RASGEF1C: variants seen among roughly 807,000 people sequenced by gnomAD.
The protein encoded by RASGEF1C is RasGEF domain family member 1C, also known as ras-GEF domain-containing family member 1C.
RASGEF1C carries 27 observed loss-of-function variants against 58.1 expected under a neutral mutation model. The ratio of observed to expected loss-of-function variants is 0.46; its 90% confidence interval spans 0.34 to 0.64. The LOEUF (loss-of-function observed/expected upper bound fraction) is 0.64. RASGEF1C is among the 30% of genes least tolerant of loss of function. RASGEF1C has a pLI of 0.01. For missense variants in RASGEF1C, 502 were observed against 605.1 expected (o/e 0.83, Z 1.79); for synonymous variants, 243 against 246.3 (o/e 0.99, Z 0.13).
chr5:180,109,321 G>A (rs555485758), intron 12 of RASGEF1C, among the ~76,000 whole-genome samples: 42 of 152,250 alleles, frequency 2.8e-4, no homozygotes, highest in African/African-American at 8.2e-4. Flanking sequence ...AGCCGGGCGT[G>A]GTGGTGGGTG....
chr5:180,187,813 G>A (rs911799794), intron 1 of RASGEF1C, among the ~76,000 whole-genome samples: 8 of 152,254 alleles, frequency 5.3e-5, no homozygotes, highest in Middle Eastern at 3.4e-3. Context: ...CTTTACACCC[G>A]CTAGGATGGC....
intron 1 of RASGEF1C, among the ~76,000 whole-genome samples, chr5:180,195,254 G>A (rs1365361079): frequency 6.6e-6 from 1 of 152,152 alleles, no homozygotes; most frequent in Non-Finnish European, 1.5e-5. Flanking sequence ...ATGAGCTCAG[G>A]GACACCTTGA....
intron 1 of RASGEF1C, among the ~76,000 whole-genome samples, chr5:180,169,769 G>A (rs1767074771): frequency 1.3e-5 from 2 of 151,726 alleles, no homozygotes; most frequent in South Asian, 4.2e-4. Flanking sequence ...AGCCCCATGC[G>A]CACCCCCCAG....
At chr5:180,179,903 T>A (rs1024850262) in intron 1 of RASGEF1C, among the ~76,000 whole-genome samples, 1 of 152,222 alleles carries the variant, frequency 6.6e-6, no homozygotes, top group African/African-American at 2.4e-5. Flanking sequence ...CTTTACCCTC[T>A]CTACATTCCT....
intron 1 of RASGEF1C, among the ~76,000 whole-genome samples, chr5:180,190,524 T>A (rs1179682642): frequency 7.8e-6 from 1 of 128,268 alleles, no homozygotes. Flanking sequence ...ATAATAATAA[T>A]AATAATTAGC....
At chr5:180,174,587 C>CGTGT (rs10533092) in intron 1 of RASGEF1C, among the ~76,000 whole-genome samples, 2 of 147,360 alleles carry the variant, frequency 1.4e-5, no homozygotes, top group Admixed American at 6.8e-5. Context: ...TGTGTGCGCA[C>CGTGT]GTGTGTGTGT....
In RASGEF1C at chr5:180,171,186, G is replaced by A. The variant is rs900183966; in HGVS notation, c.-6-33128C>T. 6.6e-5 allele frequency among the ~76,000 whole-genome samples: 10 copies of A among 152,244 alleles called. No individual in the cohort carries two copies. The East Asian group carries it at 1.9e-3, about 30-fold the overall frequency. ...GGGGAAGGAGCCAGGGGAGCACAGG[G>A]AGGAAAACCATTCTCAGGAGCTTAG... is the stretch of plus-strand genomic sequence containing the variant. On this transcript the variant is annotated intron_variant, in intron 1 of 13. Transcript: ENST00000361132.
chr5:180,140,744 C>T lies in RASGEF1C; in HGVS notation c.-6-2686G>A, dbSNP rs371787473. The stretch of plus-strand genomic sequence containing the variant: ...CTCCTCCTCCCTCCAGCAGGAGCTC[C>T]AGCCTGCCTGGAATGGGCTGGGTGA... On this transcript the variant is annotated intron_variant, in intron 1 of 13. Transcript: ENST00000361132. Among the ~76,000 whole-genome samples, 408 of 152,338 alleles carry T rather than the reference C, an allele frequency of 2.7e-3. 4 individuals carry two copies. The highest frequency in any genetic ancestry group is 9.2e-3 in the African/African-American group (382 of 41,584).
chr5:180,116,830 C>A (rs1284871458), intron 10 of RASGEF1C, among the ~76,000 whole-genome samples: 1 of 152,252 alleles, frequency 6.6e-6, no homozygotes, highest in African/African-American at 2.4e-5. Flanking sequence ...ACACCCACTG[C>A]CTGGGAACAG....
At chr5:180,117,074 G>A (rs977152256) in intron 10 of RASGEF1C, among the ~76,000 whole-genome samples, 5 of 152,242 alleles carry the variant, frequency 3.3e-5, no homozygotes, top group Non-Finnish European at 7.3e-5. Context: ...GTGACATGAG[G>A]TTCCTACCCC....
chr5:180,192,121 C>T (rs1756174514), intron 1 of RASGEF1C, among the ~76,000 whole-genome samples: 1 of 152,152 alleles, frequency 6.6e-6, no homozygotes, highest in African/African-American at 2.4e-5. Flanking sequence ...TTAGTCAGGC[C>T]CACCTGGGAC....
intron 4 of RASGEF1C, among the ~76,000 whole-genome samples, chr5:180,131,499 C>T (rs1031105940): frequency 6.6e-6 from 1 of 152,196 alleles, no homozygotes; most frequent in Non-Finnish European, 1.5e-5. Context: ...GCTGTGAGCC[C>T]TTCTGCCACA....
At chr5:180,149,293 G>A (rs1241200735) in intron 1 of RASGEF1C, among the ~76,000 whole-genome samples, 5 of 150,656 alleles carry the variant, frequency 3.3e-5, no homozygotes, top group Non-Finnish European at 5.9e-5. Flanking sequence ...TCACCATGTT[G>A]GCCAGGATGG....
intron 4 of RASGEF1C, 22 bp from the exon 5 acceptor site, chr5:180,128,632 G>T (rs761872810): frequency 1.2e-6 from 2 of 1,607,378 alleles, no homozygotes; most frequent in Non-Finnish European, 1.7e-6. Context: ...AAAGAAGGGC[G>T]CTCAGGACTG....
intron 1 of RASGEF1C, among the ~76,000 whole-genome samples, chr5:180,194,452 C>A (rs758449145): frequency 2.1e-4 from 32 of 152,236 alleles, no homozygotes; most frequent in Non-Finnish European, 1.5e-5. Flanking sequence ...CGCACCCATG[C>A]GGAAGCATCT....
chr5:180,169,736 C>A (rs1416981490), intron 1 of RASGEF1C, among the ~76,000 whole-genome samples: 1 of 152,090 alleles, frequency 6.6e-6, no homozygotes, highest in Non-Finnish European at 1.5e-5. Context: ...CTACGTCACA[C>A]AACCTGCCCT....
chr5:180,163,752 G>A (rs929867120), intron 1 of RASGEF1C, among the ~76,000 whole-genome samples: 1 of 151,816 alleles, frequency 6.6e-6, no homozygotes, highest in African/African-American at 2.4e-5. Context: ...TCTTTGTCTG[G>A]TTTTGATTTC....
rs369954196 is a variant in RASGEF1C at position 180,127,569 on chromosome 5, G to A, written c.714+40C>T. 542 of 1,568,060 alleles carry A rather than the reference G, an allele frequency of 3.5e-4. 1 individual carries two copies. In the African/African-American group the frequency reaches 7.0e-3, roughly 20 times the overall value. On this transcript the variant is annotated intron_variant, in intron 6 of 13. Coordinates refer to ENST00000361132, the MANE Select transcript of RASGEF1C (RefSeq NM_175062.4). ...TCCCCGGAGAGCGGCCAGTCACTGGGTGAGGCTCACTTTTGGGACAGCCCG... is the reference window on the plus strand; with the variant it reads ...TCCCCGGAGAGCGGCCAGTCACTGGATGAGGCTCACTTTTGGGACAGCCCG...
At chr5:180,116,732 G>A (rs907025066) in intron 10 of RASGEF1C, among the ~76,000 whole-genome samples, 2 of 152,180 alleles carry the variant, frequency 1.3e-5, no homozygotes, top group African/African-American at 2.4e-5. Flanking sequence ...CATGGCTGAC[G>A]GCTCCCAGCC....
Sources: allele counts gnomAD v4.1 joint callset (sites outside exome capture counted in the v4.1 genomes callset), GRCh38; gene constraint gnomAD v4.1.1; transcripts MANE v1.5; gene names NCBI Gene and HGNC (gene_info 2026-07-23, HGNC 2026-07-21).